Variants in SOS2 observed in about 807,000 individuals in gnomAD.
SOS2 encodes son of sevenless homolog 2.
In SOS2, 65 loss-of-function variants were observed where a neutral mutation model predicts 148.2. That is an observed-to-expected ratio of 0.44 (90% CI 0.36 to 0.54). SOS2 has a LOEUF of 0.54. Ranked by LOEUF, SOS2 falls within the 20% of genes least tolerant of loss-of-function variation. The pLI, the probability that SOS2 is intolerant of heterozygous loss-of-function variation, is 0.00. For synonymous variants in SOS2, 539 were observed against 537.1 expected (o/e 1.00, Z -0.05); for missense variants, 1,341 against 1,590.2 (o/e 0.84, Z 2.67).
At chr14:50,182,708 ATG>A in intron 5 of SOS2, 102 bp from the exon 6 acceptor site, 1 of 844,794 alleles carries the variant, frequency 1.2e-6, no homozygotes, top group Non-Finnish European at 1.8e-6. Context: ...CAGACTGCCT[ATG>A]GAATAGCCCT....
chr14:50,153,788 C>A (rs1191313374), intron 12 of SOS2, among the ~76,000 whole-genome samples: 3 of 152,014 alleles, frequency 2.0e-5, no homozygotes, highest in African/African-American at 7.2e-5. Flanking sequence ...AATTTTTGTA[C>A]TTTTAGTAGA....
chr14:50,150,564 C>A (rs1884627403), intron 13 of SOS2, among the ~76,000 whole-genome samples: 1 of 138,292 alleles, frequency 7.2e-6, no homozygotes, highest in Non-Finnish European at 1.6e-5. Flanking sequence ...GATTATTTTC[C>A]TTTTTTTTTT....
rs537321392 is a variant in SOS2 at position 50,218,981 on chromosome 14, G to C, written c.87+12216C>G. The stretch of plus-strand genomic sequence containing the variant: ...TAGAAAAATTAGCCGGGCGTGGTGG[G>C]GCGTGCCTGTAATCTCAGCTTCTCA... On this transcript the variant is annotated intron_variant, in intron 1 of 22. Coordinates refer to ENST00000216373, the MANE Select transcript of SOS2 (RefSeq NM_006939.4). Among the ~76,000 whole-genome samples, 3 of 151,926 alleles carry C rather than the reference G, an allele frequency of 2.0e-5. No individual in the cohort carries two copies. In the East Asian group the frequency reaches 5.8e-4, roughly 29 times the overall value.
intron 13 of SOS2, among the ~76,000 whole-genome samples, chr14:50,151,246 T>A (rs192832069): frequency 4.6e-5 from 7 of 152,362 alleles, no homozygotes; most frequent in Non-Finnish European, 8.8e-5. Flanking sequence ...TCCTTTAATC[T>A]ACAGGTTACT....
At chr14:50,135,089 A>AAAAAAG (rs1555368583) in intron 18 of SOS2, among the ~76,000 whole-genome samples, 94 of 131,526 alleles carry the variant, frequency 7.1e-4, no homozygotes, top group African/African-American at 1.7e-3. Flanking sequence ...AAAAAAAAAA[A>AAAAAAG]AAAGAAAGAA....
At chr14:50,182,325 T>C (rs1299654462) in intron 6 of SOS2, 138 bp downstream of exon 6, 2 of 718,264 alleles carry the variant, frequency 2.8e-6, no homozygotes, top group Non-Finnish European at 4.6e-6. Flanking sequence ...GGACCACAGA[T>C]GGGCACTACC....
chr14:50,180,687 T>A lies in SOS2; in HGVS notation c.859-5A>T. 6.6e-7 allele frequency: 1 copy of A among 1,518,434 alleles called. No individual in the cohort carries two copies. The highest frequency in any genetic ancestry group is 9.0e-7 in the Non-Finnish European group (1 of 1,107,764). The allele number at this position is 1,518,434 out of a possible 1,614,324, so 94.1% of individuals were successfully genotyped here. The stretch of plus-strand genomic sequence containing the variant: ...ATAAGGATCAAATGCTTGCTCCTAT[T>A]TTTTTAAAAAGAGAAAAAGCATTAG... On this transcript the variant is annotated splice_region_variant and splice_polypyrimidine_tract_variant and intron_variant, in intron 6 of 22. Coordinates refer to ENST00000216373, the MANE Select transcript of SOS2 (RefSeq NM_006939.4).
chr14:50,190,968 C>T (rs1209393168), intron 4 of SOS2, among the ~76,000 whole-genome samples: 4 of 152,226 alleles, frequency 2.6e-5, no homozygotes, highest in African/African-American at 9.6e-5. Flanking sequence ...CCACCCTCTT[C>T]TCTTCCCCAC....
intron 21 of SOS2, among the ~76,000 whole-genome samples, chr14:50,125,159 G>T (rs1883642767): frequency 6.6e-6 from 1 of 152,198 alleles, no homozygotes; most frequent in Non-Finnish European, 1.5e-5. Flanking sequence ...GACATGACCA[G>T]TGTCTTTATA....
chr14:50,156,835 T>C (rs1884835982), intron 12 of SOS2, 164 bp downstream of exon 12: 1 of 365,606 alleles, frequency 2.7e-6, no homozygotes, highest in African/African-American at 2.1e-5. Context: ...AAAGAACTCT[T>C]TTAGTTTAAC....
intron 1 of SOS2, among the ~76,000 whole-genome samples, chr14:50,216,560 A>C (rs1887045314): frequency 6.6e-6 from 1 of 151,534 alleles, no homozygotes; most frequent in African/African-American, 2.4e-5. Context: ...GGAGTTTGAG[A>C]CCAGGCTGGC....
chr14:50,127,468 C>T (rs957758002), intron 21 of SOS2, among the ~76,000 whole-genome samples: 1 of 152,092 alleles, frequency 6.6e-6, no homozygotes, highest in Non-Finnish European at 1.5e-5. Context: ...AACAAAGCTC[C>T]TTGCCCTCCA....
intron 18 of SOS2, among the ~76,000 whole-genome samples, chr14:50,137,606 C>A (rs896593597): frequency 3.3e-5 from 5 of 151,960 alleles, no homozygotes; most frequent in Non-Finnish European, 7.4e-5. Flanking sequence ...CATAGCAAGA[C>A]AAATAATTAT....
intron 18 of SOS2, among the ~76,000 whole-genome samples, chr14:50,135,232 C>CG (rs1566821546): frequency 6.6e-6 from 1 of 151,672 alleles, no homozygotes; most frequent in African/African-American, 2.4e-5. Flanking sequence ...AGGCTGAGGC[C>CG]GGGGGACTGC....
intron 5 of SOS2, among the ~76,000 whole-genome samples, chr14:50,187,793 CTT>C (rs1313483776): frequency 6.6e-6 from 1 of 152,144 alleles, no homozygotes; most frequent in Non-Finnish European, 1.5e-5. Flanking sequence ...ACCGTTAAAA[CTT>C]TATTTTTTTT....
chr14:50,184,970 A>T (rs1885861380), intron 5 of SOS2, among the ~76,000 whole-genome samples: 1 of 151,480 alleles, frequency 6.6e-6, no homozygotes, highest in African/African-American at 2.4e-5. Context: ...TGGAGGTGCT[A>T]GGAGGGTGGC....
chr14:50,220,035 G>A (rs983078349), intron 1 of SOS2, among the ~76,000 whole-genome samples: 5 of 150,470 alleles, frequency 3.3e-5, no homozygotes, highest in African/African-American at 9.8e-5. Flanking sequence ...TCTTGTTTTC[G>A]GTCTCCTCCT....
At chr14:50,148,201 AAGG>A (rs750549096) in intron 14 of SOS2, among the ~76,000 whole-genome samples, 27 of 151,878 alleles carry the variant, frequency 1.8e-4, no homozygotes, top group Non-Finnish European at 3.2e-4. Flanking sequence ...CACTGGAGGT[AAGG>A]AGTTCGTGAC....
At chr14:50,221,983 T>C (rs1202760504) in intron 1 of SOS2, among the ~76,000 whole-genome samples, 1 of 152,118 alleles carries the variant, frequency 6.6e-6, no homozygotes, top group Admixed American at 6.6e-5. Flanking sequence ...AATCTAAAAA[T>C]ATCATATTAG....
Sources: gnomAD v4.1 joint callset for allele counts (sites outside exome capture counted in the v4.1 genomes callset) on GRCh38, gnomAD v4.1.1 for gene constraint, MANE v1.5 for transcripts, NCBI Gene and HGNC (gene_info 2026-07-23, HGNC 2026-07-21) for gene names.